The following GPC5 variants were observed in gnomAD, a reference collection of about 807,000 sequenced individuals.
The protein encoded by GPC5 is glypican 5.
In GPC5, 47 loss-of-function variants were observed where a neutral mutation model predicts 53.9. That is an observed-to-expected ratio of 0.87 (90% CI 0.69 to 1.11). GPC5 has a LOEUF of 1.11. GPC5 is among the 50% of genes most tolerant of loss of function. The probability of loss-of-function intolerance (pLI) is 0.00; values close to 1 mark genes in which losing one functional copy is unlikely to be tolerated. For missense variants in GPC5, 748 were observed against 713.1 expected (o/e 1.05, Z -0.56); for synonymous variants, 286 against 263.3 (o/e 1.09, Z -0.84).
chr13:91,804,631 T>C (rs2038191540), intron 5 of GPC5, among the ~76,000 whole-genome samples: 2 of 152,184 alleles, frequency 1.3e-5, no homozygotes, highest in Admixed American at 6.5e-5. Context: ...TTTTATTTGC[T>C]CATTTCCTGA....
chr13:92,273,486 CTAA>C (rs2042854028), intron 7 of GPC5, among the ~76,000 whole-genome samples: 2 of 151,742 alleles, frequency 1.3e-5, no homozygotes, highest in Admixed American at 6.6e-5. Flanking sequence ...AGTGTTTGTT[CTAA>C]TAATAAGTGC....
intron 6 of GPC5, among the ~76,000 whole-genome samples, chr13:92,049,476 A>T (rs547873959): frequency 6.6e-6 from 1 of 152,118 alleles, no homozygotes; most frequent in Non-Finnish European, 1.5e-5. Flanking sequence ...CCAGATAAAA[A>T]GACACCAGGA....
chr13:92,811,815 T>C (rs1877310489), intron 7 of GPC5, among the ~76,000 whole-genome samples: 1 of 151,972 alleles, frequency 6.6e-6, no homozygotes, highest in Non-Finnish European at 1.5e-5. Context: ...CATCATACTT[T>C]TGAGTATGGA....
Position 92,765,737 on chromosome 13 carries a change from G to GT in GPC5, c.1562-100539dup, listed in dbSNP as rs375571676. Among the ~76,000 whole-genome samples, 672 of 152,154 alleles carry GT rather than the reference G, an allele frequency of 4.4e-3. 7 individuals carry two copies. The highest frequency in any genetic ancestry group is 0.015 in the African/African-American group (631 of 41,516). ...CTGTGATTTAACAAGCCTTCCATGT[G>GT]TTTTTTACCCATGATAACATTTGAA... On this transcript the variant is annotated intron_variant, in intron 7 of 7. Coordinates refer to ENST00000377067, the MANE Select transcript of GPC5 (RefSeq NM_004466.6).
intron 7 of GPC5, among the ~76,000 whole-genome samples, chr13:92,510,647 T>C (rs1439180793): frequency 6.6e-6 from 1 of 152,336 alleles, no homozygotes; most frequent in South Asian, 2.1e-4. Context: ...ACACCATCTG[T>C]AGGAACTGGT....
At chr13:92,645,892 T>G (rs1885752086) in intron 7 of GPC5, among the ~76,000 whole-genome samples, 1 of 152,028 alleles carries the variant, frequency 6.6e-6, no homozygotes. Flanking sequence ...TAATATTGAG[T>G]TGTAAGAATT....
chr13:92,277,096 A>T (rs2042881356), intron 7 of GPC5, among the ~76,000 whole-genome samples: 1 of 151,992 alleles, frequency 6.6e-6, no homozygotes, highest in Non-Finnish European at 1.5e-5. Flanking sequence ...TAATTCAATG[A>T]TACAAATTTT....
chr13:91,828,437 G>C (rs992039889), intron 5 of GPC5, among the ~76,000 whole-genome samples: 4 of 151,878 alleles, frequency 2.6e-5, no homozygotes, highest in African/African-American at 9.7e-5. Flanking sequence ...ATACTTCCTT[G>C]TTCTACTCGT....
intron 2 of GPC5, among the ~76,000 whole-genome samples, chr13:91,514,352 G>C (rs1049051968): frequency 9.9e-5 from 15 of 152,176 alleles, no homozygotes; most frequent in African/African-American, 3.4e-4. Flanking sequence ...TAGGTCTACA[G>C]TGCTATCTCA....
intron 7 of GPC5, among the ~76,000 whole-genome samples, chr13:92,744,057 G>A (rs1207548546): frequency 1.3e-5 from 2 of 152,002 alleles, no homozygotes; most frequent in African/African-American, 4.8e-5. Context: ...AATTGGGAAG[G>A]GAATTGCAAC....
At chr13:91,446,184 C>A (rs989136359) in intron 1 of GPC5, among the ~76,000 whole-genome samples, 1 of 152,112 alleles carries the variant, frequency 6.6e-6, no homozygotes, top group African/African-American at 2.4e-5. Flanking sequence ...GCCACTGCCA[C>A]CATATTTCCA....
chr13:91,774,919 T>C (rs1226365968), intron 5 of GPC5, among the ~76,000 whole-genome samples: 1 of 152,140 alleles, frequency 6.6e-6, no homozygotes, highest in African/African-American at 2.4e-5. Context: ...CCCCAATAAA[T>C]CTCTTGACCA....
At chr13:91,901,799 C>G (rs1205795486) in intron 5 of GPC5, among the ~76,000 whole-genome samples, 1 of 151,894 alleles carries the variant, frequency 6.6e-6, no homozygotes, top group Non-Finnish European at 1.5e-5. Flanking sequence ...TGTTTAATCT[C>G]CTAGAAATTA....
At chr13:92,505,162 A>C (rs1880323865) in intron 7 of GPC5, among the ~76,000 whole-genome samples, 1 of 151,834 alleles carries the variant, frequency 6.6e-6, no homozygotes, top group African/African-American at 2.4e-5. Flanking sequence ...AACTTTGAGA[A>C]GTTAACTTTA....
At chr13:92,188,385 T>G (rs1411478489) in intron 7 of GPC5, among the ~76,000 whole-genome samples, 1 of 152,146 alleles carries the variant, frequency 6.6e-6, no homozygotes, top group Non-Finnish European at 1.5e-5. Context: ...ATTAATTAAT[T>G]GTCAGAATCA....
intron 6 of GPC5, among the ~76,000 whole-genome samples, chr13:92,013,738 T>C (rs2138779360): frequency 6.6e-6 from 1 of 152,264 alleles, no homozygotes; most frequent in East Asian, 1.9e-4. Context: ...GTACCCAACT[T>C]GATAGATTCC....
At chr13:91,865,178 G>T (rs2039070799) in intron 5 of GPC5, among the ~76,000 whole-genome samples, 1 of 151,800 alleles carries the variant, frequency 6.6e-6, no homozygotes, top group Non-Finnish European at 1.5e-5. Context: ...CAAAATGCTG[G>T]GATTAGAGGT....
At chr13:92,056,606 T>C (rs1258957454) in intron 6 of GPC5, among the ~76,000 whole-genome samples, 2 of 152,244 alleles carry the variant, frequency 1.3e-5, no homozygotes, top group Non-Finnish European at 2.9e-5. Context: ...TTCTTCAATG[T>C]CTTTTTTCTG....
intron 1 of GPC5, among the ~76,000 whole-genome samples, chr13:91,442,634 T>C (rs1880520322): frequency 6.6e-6 from 1 of 152,238 alleles, no homozygotes; most frequent in Non-Finnish European, 1.5e-5. Flanking sequence ...CATGGTGACA[T>C]ACAAAAATGT....
Sources: allele counts gnomAD v4.1 joint callset (sites outside exome capture counted in the v4.1 genomes callset), GRCh38; gene constraint gnomAD v4.1.1; transcripts MANE v1.5; gene names NCBI Gene and HGNC (gene_info 2026-07-23, HGNC 2026-07-21).